Variants in FHIT observed in about 807,000 individuals in gnomAD.
The protein encoded by FHIT is fragile histidine triad diadenosine triphosphatase, also known as bis(5'-adenosyl)-triphosphatase.
In FHIT, 19 loss-of-function variants were observed where a neutral mutation model predicts 17.9. The observed-to-expected ratio is 1.06, with a 90% CI of 0.74 to 1.56. The LOEUF is 1.56. Ranked by LOEUF, FHIT falls within the 40% of genes most tolerant of loss-of-function variation. The pLI is 0.00. For missense variants in FHIT, 248 were observed against 189.2 expected, an observed-to-expected ratio of 1.31 and a Z score of -1.82; for synonymous variants, 81 against 69.7, an observed-to-expected ratio of 1.16 and a Z score of -0.81.
At chr3:60,760,568 T>G (rs2108052025) in intron 4 of FHIT, among the ~76,000 whole-genome samples, 3 of 152,330 alleles carry the variant, frequency 2.0e-5, no homozygotes, top group Middle Eastern at 6.8e-3. Context: ...AAGATATTAA[T>G]TTTCATTTTT....
intron 4 of FHIT, among the ~76,000 whole-genome samples, chr3:60,615,068 T>C (rs2038911802): frequency 6.6e-6 from 1 of 152,062 alleles, no homozygotes; most frequent in Admixed American, 6.5e-5. Flanking sequence ...GACCTCGTGA[T>C]CTGCCTGCCT....
chr3:59,790,363 G>C (rs940856309), intron 8 of FHIT, among the ~76,000 whole-genome samples: 1 of 152,180 alleles, frequency 6.6e-6, no homozygotes, highest in African/African-American at 2.4e-5. Flanking sequence ...AAGAGGTAGA[G>C]GGCAAATTAA....
intron 4 of FHIT, among the ~76,000 whole-genome samples, chr3:60,578,685 A>G (rs1357448352): frequency 6.6e-6 from 1 of 152,164 alleles, no homozygotes; most frequent in African/African-American, 2.4e-5. Context: ...CACATAAAAC[A>G]AAATAGCCAT....
chr3:60,536,809 A>G (rs769937995), intron 5 of FHIT, 51 bp downstream of exon 5: 3 of 1,543,122 alleles, frequency 1.9e-6, no homozygotes, highest in Middle Eastern at 3.5e-4. Context: ...TTGGCTGGTT[A>G]GGCTCAGAAG....
intron 8 of FHIT, 121 bp from the exon 9 acceptor site, chr3:59,752,442 TTTAA>T (rs1559571282): frequency 8.3e-5 from 51 of 611,864 alleles, no homozygotes. Context: ...AGGTGTATCT[TTTAA>T]TTGTTTCAGT....
At chr3:60,983,856 C>T (rs1472508122) in intron 3 of FHIT, among the ~76,000 whole-genome samples, 1 of 152,166 alleles carries the variant, frequency 6.6e-6, no homozygotes, top group Non-Finnish European at 1.5e-5. Context: ...AGCCTCAAAA[C>T]ACTTCTTCAT....
At chr3:60,095,835 A>G (rs142772120) in intron 5 of FHIT, among the ~76,000 whole-genome samples, 1 of 152,328 alleles carries the variant, frequency 6.6e-6, no homozygotes, top group Non-Finnish European at 1.5e-5. Context: ...AACTGAATCC[A>G]GCAAAAGTTT....
In FHIT at chr3:61,043,310, GCGCCTAGCTCGGAGGGTCCCA is replaced by G. The variant is rs536064133; in HGVS notation, c.-163-1232_-163-1212del. Among the ~76,000 whole-genome samples the G allele has an allele frequency of 2.3e-3, 344 of 152,150 alleles. 8 individuals carry two copies. In the South Asian group the frequency reaches 0.046, roughly 20 times the overall value. ...ATGGCACACCAGGAGATTATATCCC[GCGCCTAGCTCGGAGGGTCCCA>G]CGCCTAGCTCGGAGGGTCCCACGCC... On this transcript the variant is annotated intron_variant, in intron 2 of 9. Coordinates refer to ENST00000492590, the MANE Select transcript of FHIT (RefSeq NM_002012.4).
intron 5 of FHIT, among the ~76,000 whole-genome samples, chr3:60,514,595 T>C (rs2035080214): frequency 1.3e-5 from 2 of 152,142 alleles, no homozygotes; most frequent in Admixed American, 1.3e-4. Context: ...TGGCACATGT[T>C]GACCTATGTA....
chr3:61,044,513 T>C (rs977790083), intron 2 of FHIT, among the ~76,000 whole-genome samples: 10 of 152,164 alleles, frequency 6.6e-5, no homozygotes, highest in African/African-American at 2.2e-4. Context: ...CTGATTGGTG[T>C]ACCTGAAAGT....
intron 3 of FHIT, among the ~76,000 whole-genome samples, chr3:61,027,869 G>A (rs960788624): frequency 2.0e-5 from 3 of 152,116 alleles, no homozygotes; most frequent in African/African-American, 4.8e-5. Context: ...CATGTTACAT[G>A]TCCTTTATAT....
intron 5 of FHIT, among the ~76,000 whole-genome samples, chr3:60,138,863 T>G (rs1219867632): frequency 6.6e-6 from 1 of 152,068 alleles, no homozygotes; most frequent in African/African-American, 2.4e-5. Context: ...GTAGACTGTC[T>G]GAATTATGAA....
At chr3:60,853,559 T>A (rs1703240643) in intron 3 of FHIT, among the ~76,000 whole-genome samples, 1 of 152,002 alleles carries the variant, frequency 6.6e-6, no homozygotes, top group East Asian at 1.9e-4. Flanking sequence ...AGGACCCAAA[T>A]ATAAAGCAAG....
At chr3:60,268,017 A>G (rs2107621483) in intron 5 of FHIT, among the ~76,000 whole-genome samples, 1 of 152,308 alleles carries the variant, frequency 6.6e-6, no homozygotes, top group East Asian at 1.9e-4. Flanking sequence ...TAGGTTTTGT[A>G]TCTTACTGAA....
chr3:60,221,589 C>A (rs1005311333), intron 5 of FHIT, among the ~76,000 whole-genome samples: 1 of 152,200 alleles, frequency 6.6e-6, no homozygotes, highest in African/African-American at 2.4e-5. Context: ...CTCCTTCATG[C>A]GGTGGCTGCC....
chr3:60,616,389 G>C (rs1021738469), intron 4 of FHIT, among the ~76,000 whole-genome samples: 1 of 152,272 alleles, frequency 6.6e-6, no homozygotes, highest in Middle Eastern at 3.4e-3. Flanking sequence ...ATGTGCACAG[G>C]TGTGCTGAAA....
chr3:60,122,619 C>T (rs560460476), intron 5 of FHIT, among the ~76,000 whole-genome samples: 2 of 152,126 alleles, frequency 1.3e-5, no homozygotes, highest in South Asian at 4.2e-4. Context: ...ATTCAGGACA[C>T]GAAGGACAGA....
At chr3:60,344,267 A>C (rs1046362610) in intron 5 of FHIT, among the ~76,000 whole-genome samples, 1 of 152,198 alleles carries the variant, frequency 6.6e-6, no homozygotes, top group African/African-American at 2.4e-5. Flanking sequence ...TACTGTTTTC[A>C]ATATTGCTGT....
chr3:60,589,152 G>A (rs2037999213), intron 4 of FHIT, among the ~76,000 whole-genome samples: 1 of 151,928 alleles, frequency 6.6e-6, no homozygotes. Flanking sequence ...GAAACTATTT[G>A]AATGTCAAAT....
Sources: gnomAD v4.1 joint callset for allele counts (sites outside exome capture counted in the v4.1 genomes callset) on GRCh38, gnomAD v4.1.1 for gene constraint, MANE v1.5 for transcripts, NCBI Gene and HGNC (gene_info 2026-07-23, HGNC 2026-07-21) for gene names.